The following SEC16B variants were observed in gnomAD, a reference collection of about 807,000 sequenced individuals.
SEC16B encodes the protein protein transport protein Sec16B.
Under a neutral mutation model 141.8 loss-of-function variants are expected in SEC16B, and 115 were observed. That is an observed-to-expected ratio of 0.81 (90% CI 0.70 to 0.95). SEC16B has a LOEUF of 0.95. SEC16B is among the 40% of genes least tolerant of loss of function. The pLI is 0.00. For synonymous variants in SEC16B, 493 were observed against 492.5 expected (o/e 1.00, Z -0.01); for missense variants, 1,291 against 1,312.3 (o/e 0.98, Z 0.25).
chr1:177,975,805 C>G (rs1301268134), intron 1 of SEC16B, among the ~76,000 whole-genome samples: 3 of 152,160 alleles, frequency 2.0e-5, no homozygotes, highest in African/African-American at 7.2e-5. Context: ...CTAAGCTACC[C>G]CCTGGAAACA....
chr1:177,970,446 A>C (rs572075081), upstream of SEC16B, among the ~76,000 whole-genome samples: 1 of 152,242 alleles, frequency 6.6e-6, no homozygotes, highest in African/African-American at 2.4e-5. Flanking sequence ...CACATGATAT[A>C]TAGGTAAGTA....
chr1:177,978,794 T>C (rs1407677971), intron 1 of SEC16B, among the ~76,000 whole-genome samples: 2 of 152,134 alleles, frequency 1.3e-5, no homozygotes, highest in East Asian at 1.9e-4. Context: ...TATGTTCTTA[T>C]TTAGCTTTTA....
rs763189212 is a variant in SEC16B at position 177,960,910 on chromosome 1, T to C, written c.817A>G (p.Met273Val). 1.2e-6 allele frequency: 2 copies of C among 1,613,982 alleles called. No homozygotes were observed. Among genetic ancestry groups the C allele is most frequent in the Non-Finnish European group, 1.7e-6 (2 of 1,179,858 alleles). ...DVSSAGPKAPMKFYIPHVPVS... is the reference protein window; with the variant it reads ...DVSSAGPKAPVKFYIPHVPVS... ...GGAACATGAGGGATGTAGAACTTCA[T>C]GGGTGCTTTGGGACCAGCTGAGGAG... The change falls in exon 7 of 26, where the codon ATG becomes GTG. Residue 273 changes from methionine to valine, a missense_variant. This residue lies in a region of SEC16B where 681 missense variants were observed against 675.5 expected (regional missense o/e 1.01). Transcript: ENST00000308284.
At chr1:177,950,964 G>A (rs1182379730) in intron 12 of SEC16B, among the ~76,000 whole-genome samples, 1 of 117,708 alleles carries the variant, frequency 8.5e-6, no homozygotes, top group African/African-American at 3.2e-5. Flanking sequence ...AAGGAAAGAA[G>A]GAAGGAAGGG....
At chr1:177,944,924 G>A (rs995637891) in intron 14 of SEC16B, among the ~76,000 whole-genome samples, 17 of 152,188 alleles carry the variant, frequency 1.1e-4, no homozygotes, top group Admixed American at 8.5e-4. Context: ...GGCGGAGGCT[G>A]CAGAAAAGGG....
upstream of SEC16B, among the ~76,000 whole-genome samples, chr1:177,971,692 G>T (rs2102016068): frequency 6.6e-6 from 1 of 152,240 alleles, no homozygotes; most frequent in East Asian, 1.9e-4. Flanking sequence ...TAGCAACTAT[G>T]CTTTTTTGAT....
rs150666933 is a variant in SEC16B at position 177,937,160 on chromosome 1, C to T, written c.2503+54G>A. 3.3e-4 allele frequency: 503 copies of T among 1,529,572 alleles called. 3 individuals are homozygous for T. Among genetic ancestry groups the T allele is most frequent in the Middle Eastern group, 9.2e-4 (4 of 4,328 alleles). The allele number at this position is 1,529,572 out of a possible 1,614,324, so 94.8% of individuals were successfully genotyped here. On this transcript the variant is annotated intron_variant, in intron 19 of 25. Coordinates refer to ENST00000308284, the MANE Select transcript of SEC16B (RefSeq NM_033127.4). Reference sequence around the variant, plus strand: ...GTCCCACCACCTCCCTTTCCTGCTTCCTCCCCACCCAGACCCTACATTCAA... The same window carrying T: ...GTCCCACCACCTCCCTTTCCTGCTTTCTCCCCACCCAGACCCTACATTCAA...
rs1034695204 is a variant in SEC16B, at chr1:177,947,707, A to C, written c.1663+118T>G. On this transcript the variant is annotated intron_variant, in intron 13 of 25. Transcript: ENST00000308284. ...CTGACCTGGACGGGGAGGGGAGGTG[A>C]GGAGAGGGAGGGGAGGTGAGGAGAG... is the stretch of plus-strand genomic sequence containing the variant. 3 of 439,302 alleles carry C rather than the reference A, an allele frequency of 6.8e-6. No homozygotes were observed. In the African/African-American group the frequency reaches 8.5e-5, roughly 12 times the overall value. The allele number at this position is 439,302 out of a possible 1,614,324, so 27.2% of individuals were successfully genotyped here.
intron 25 of SEC16B, among the ~76,000 whole-genome samples, chr1:177,930,181 C>T (rs943454218): frequency 6.6e-6 from 1 of 152,204 alleles, no homozygotes; most frequent in Non-Finnish European, 1.5e-5. Flanking sequence ...GAACAGGGAA[C>T]TTAGCTTCTC....
At chr1:177,966,836 A>T (rs536084066) in intron 2 of SEC16B, among the ~76,000 whole-genome samples, 2 of 152,228 alleles carry the variant, frequency 1.3e-5, no homozygotes, top group Admixed American at 1.3e-4. Flanking sequence ...TGGCCTCCCA[A>T]AGTGCTGGGA....
In SEC16B at chr1:177,954,332, A is replaced by C; in HGVS notation, c.1410T>G (p.Ala470=). The C allele has an allele frequency of 6.3e-7, 1 of 1,576,710 alleles. No individual in the cohort carries two copies. Among genetic ancestry groups the C allele is most frequent in the African/African-American group, 1.3e-5 (1 of 74,160 alleles). ...GGTCCATCTTGCTGGACAGGAACAAAGCATGGCCCCACAAGTGGTTCTTCA... is the reference window on the plus strand; with the variant it reads ...GGTCCATCTTGCTGGACAGGAACAACGCATGGCCCCACAAGTGGTTCTTCA... ...WAMKNHLWGH[A]LFLSSKMDPQ... is the part of the protein sequence containing the mutation. Residue 470 remains alanine, a synonymous_variant, in exon 11 of 26, where the codon GCT becomes GCG. Transcript: ENST00000308284.
chr1:177,931,739 C>T (rs1650430329), intron 24 of SEC16B, among the ~76,000 whole-genome samples: 2 of 152,156 alleles, frequency 1.3e-5, no homozygotes, highest in Non-Finnish European at 2.9e-5. Context: ...TTGATACCAT[C>T]ATAAAAAGTA....
At chr1:177,930,062 G>GT in intron 25 of SEC16B, 133 bp from the exon 26 acceptor site, 1 of 812,842 alleles carries the variant, frequency 1.2e-6, no homozygotes, top group Non-Finnish European at 1.9e-6. Flanking sequence ...TTCTAATTGC[G>GT]TACCTCCACC....
Position 177,967,890 on chromosome 1 carries a change from C to T in SEC16B, c.92G>A (p.Gly31Glu), listed in dbSNP as rs369043622. 9.9e-6 allele frequency: 16 copies of T among 1,613,988 alleles called. No individual in the cohort carries two copies. The highest frequency in any genetic ancestry group is 1.4e-5 in the Non-Finnish European group (16 of 1,179,880). ...AGAGTGAGGGACAGGCCGATGATGT[C>T]CATCTCTCCGAAACCCTCGGTCTGG... Reference protein sequence around the residue: ...KDPDRGFRRDGHHRPVPHSWH... With the variant: ...KDPDRGFRRDEHHRPVPHSWH... Residue 31 changes from glycine to glutamate, a missense_variant, in exon 2 of 26, where the codon GGA (glycine) becomes GAA (glutamate). By Grantham distance (98) the Gly-to-Glu change is moderately conservative. Coordinates refer to ENST00000308284, the MANE Select transcript of SEC16B (RefSeq NM_033127.4).
intron 13 of SEC16B, 133 bp from the exon 14 acceptor site, chr1:177,946,664 A>G: frequency 1.6e-6 from 1 of 642,340 alleles, no homozygotes; most frequent in South Asian, 1.9e-5. Context: ...GACTAAATGA[A>G]TGAGCCTTTC....
chr1:177,978,104 T>C (rs1654248894), intron 1 of SEC16B, among the ~76,000 whole-genome samples: 1 of 152,218 alleles, frequency 6.6e-6, no homozygotes, highest in South Asian at 2.1e-4. Context: ...AATTGAGAGC[T>C]CAGGCTTTGC....
chr1:177,946,400 C>A lies in SEC16B; in HGVS notation c.1775+20G>T. On this transcript the variant is annotated intron_variant, in intron 14 of 25. Coordinates refer to ENST00000308284, the MANE Select transcript of SEC16B (RefSeq NM_033127.4). ...CCTTGGAAAATGTCCTTACTGTTTC[C>A]TTTCTCCCAGGTCGCATACCTGTGG... The A allele has an allele frequency of 6.6e-7, 1 of 1,516,802 alleles. No individual in the cohort carries two copies. Among genetic ancestry groups the A allele is most frequent in the Non-Finnish European group, 9.0e-7 (1 of 1,114,224 alleles). 94.0% of individuals were successfully genotyped at this position (1,516,802 alleles called of 1,614,324 possible). A position where few individuals can be genotyped will look rare whatever the true frequency, so the allele number is the denominator to read the frequency against.
At chr1:177,973,878 A>G (rs1397189994), upstream of SEC16B, among the ~76,000 whole-genome samples, 3 of 152,198 alleles carry the variant, frequency 2.0e-5, no homozygotes, top group Non-Finnish European at 4.4e-5. Context: ...AGCACAGCGG[A>G]AAGCAGGAGA....
At position 177,965,028 on chromosome 1, in the gene SEC16B, C is replaced by A; in HGVS notation, c.533+19G>T. The A allele has an allele frequency of 6.2e-7, 1 of 1,612,152 alleles. No individual in the cohort carries two copies. The highest frequency in any genetic ancestry group is 8.5e-7 in the Non-Finnish European group (1 of 1,179,132). On this transcript the variant is annotated intron_variant, in intron 4 of 25. Transcript: ENST00000308284. Reference sequence around the variant, plus strand: ...GTTTGACAACATCATGTCAAACTGGCCTCTCCTTTCACACTTACTGGAAGT... The same window carrying A: ...GTTTGACAACATCATGTCAAACTGGACTCTCCTTTCACACTTACTGGAAGT...
Sources: allele counts gnomAD v4.1 joint callset (sites outside exome capture counted in the v4.1 genomes callset), GRCh38; gene constraint gnomAD v4.1.1; regional missense constraint gnomAD v4.1.1; transcripts MANE v1.5; gene names NCBI Gene and HGNC (gene_info 2026-07-23, HGNC 2026-07-21).